The following ACTL6B variants were observed in gnomAD, a reference collection of about 807,000 sequenced individuals.
ACTL6B encodes actin-like protein 6B.
Under a neutral mutation model 63.3 loss-of-function variants are expected in ACTL6B, and 48 were observed. That is an observed-to-expected ratio of 0.76 (90% CI 0.60 to 0.96). The LOEUF is 0.96. ACTL6B is among the 50% of genes least tolerant of loss of function. The pLI, the probability that ACTL6B is intolerant of heterozygous loss-of-function variation, is 0.00. For synonymous variants in ACTL6B, 230 were observed against 223.8 expected, an observed-to-expected ratio of 1.03 and a Z score of -0.25; for missense variants, 350 against 572.2, an observed-to-expected ratio of 0.61 and a Z score of 3.96.
intron 4 of ACTL6B, among the ~76,000 whole-genome samples, chr7:100,653,215 A>G (rs1188060511): frequency 6.6e-6 from 1 of 152,058 alleles, no homozygotes; most frequent in African/African-American, 2.4e-5. Flanking sequence ...TGTTAGCTGA[A>G]GTAGAAGGAT....
chr7:100,650,201 C>T (rs908581498), intron 4 of ACTL6B, 66 bp from the exon 5 acceptor site: 24 of 1,370,008 alleles, frequency 1.8e-5, no homozygotes, highest in African/African-American at 4.3e-5. Context: ...TCCACGCACA[C>T]GCAACCCACT....
intron 4 of ACTL6B, among the ~76,000 whole-genome samples, 197 bp downstream of exon 4, chr7:100,654,822 A>G (rs754956729): frequency 2.0e-5 from 3 of 152,126 alleles, no homozygotes; most frequent in Middle Eastern, 6.8e-3. Flanking sequence ...AGCAGAGTGC[A>G]TAGAGCAAGA....
rs74890254 is a variant in ACTL6B at position 100,648,637 on chromosome 7, C to A, written c.588G>T (p.Gly196=). 3 of 1,612,558 alleles carry A rather than the reference C, an allele frequency of 1.9e-6. No individual in the cohort carries two copies. The highest frequency in any genetic ancestry group is 2.5e-6 in the Non-Finnish European group (3 of 1,179,172). The change falls in exon 7 of 14, where the codon GGG becomes GGT. Residue 196 remains glycine, a synonymous_variant. Coordinates refer to ENST00000160382, the MANE Select transcript of ACTL6B (RefSeq NM_016188.5). The surrounding 1 kb of genome is among the most constrained non-coding windows in gnomAD (Gnocchi z 4.4). ...QQGIVKSPLA[G]DFISMQCREL... ...CCCGGCACTGCATGGAGATGAAGTC[C>A]CCTGCCAGAGGGGACTTGACGATGC...
intron 4 of ACTL6B, among the ~76,000 whole-genome samples, chr7:100,653,575 A>T (rs916229063): frequency 2.6e-5 from 4 of 152,136 alleles, no homozygotes; most frequent in Admixed American, 2.0e-4. Context: ...ACTTGAGCCC[A>T]GGAGACCAAG....
chr7:100,656,021 G>A (rs1235398438), intron 1 of ACTL6B, 142 bp from the exon 2 acceptor site: 2 of 880,456 alleles, frequency 2.3e-6, no homozygotes, highest in Middle Eastern at 3.5e-4. Flanking sequence ...CCTGGAGTCC[G>A]AGGTCCTGGG....
intron 4 of ACTL6B, among the ~76,000 whole-genome samples, chr7:100,653,563 T>A (rs1444333541): frequency 1.3e-5 from 2 of 151,970 alleles, no homozygotes; most frequent in African/African-American, 4.8e-5. Flanking sequence ...AATGAGAGGA[T>A]CACTTGAGCC....
chr7:100,646,184 C>A lies in ACTL6B; in HGVS notation c.1200+65G>T. 7.5e-7 allele frequency: 1 copy of A among 1,334,906 alleles called. No homozygotes were observed. 82.7% of individuals were successfully genotyped at this position (1,334,906 alleles called of 1,614,324 possible). ...ATGAACGAAGAGGCAGTCAAAGTGGCGGGCACTGTCTGGGTCTCCCCTCTC... is the reference window on the plus strand; with the variant it reads ...ATGAACGAAGAGGCAGTCAAAGTGGAGGGCACTGTCTGGGTCTCCCCTCTC... On this transcript the variant is annotated intron_variant, in intron 13 of 13. Transcript: ENST00000160382. This position sits in a 1 kb window ranked among gnomAD's most constrained non-coding sequence, Gnocchi z 6.1.
rs763756493 is a variant in ACTL6B at position 100,655,821 on chromosome 7, A to T, written c.84T>A (p.Ala28=). The change falls in exon 2 of 14, where the codon GCT becomes GCA. Residue 28 remains alanine, a synonymous_variant. Transcript: ENST00000160382. This position sits in a 1 kb window ranked among gnomAD's most constrained non-coding sequence, Gnocchi z 4.4. Reference sequence around the variant, plus strand: ...GGCTCACCTTGGGACAGTCCTCCCCAGCGTACCCAGCGCGGACTGAGAAGG... The same window carrying T: ...GGCTCACCTTGGGACAGTCCTCCCCTGCGTACCCAGCGCGGACTGAGAAGG... ...IGSFSVRAGY[A]GEDCPKADFP... The T allele has an allele frequency of 2.5e-6, 4 of 1,574,024 alleles. No individual in the cohort carries two copies. Among genetic ancestry groups the T allele is most frequent in the Middle Eastern group, 1.7e-4 (1 of 6,022 alleles).
chr7:100,655,699 G>C lies in ACTL6B; in HGVS notation c.102+104C>G. ...CCCCTGGGTTTATTCCCATATTCCC[G>C]CTCAGCAGAGCTTCTGGGCGATCTG... On this transcript the variant is annotated intron_variant, in intron 2 of 13. Coordinates refer to ENST00000160382, the MANE Select transcript of ACTL6B (RefSeq NM_016188.5). The surrounding 1 kb of genome is among the most constrained non-coding windows in gnomAD (Gnocchi z 4.4). 2.7e-6 allele frequency: 4 copies of C among 1,506,262 alleles called. No homozygotes were observed. Among genetic ancestry groups the C allele is most frequent in the South Asian group, 2.5e-5 (2 of 78,864 alleles). The allele number at this position is 1,506,262 out of a possible 1,614,324, so 93.3% of individuals were successfully genotyped here. A position where few individuals can be genotyped will look rare whatever the true frequency, so the allele number is the denominator to read the frequency against.
At chr7:100,650,899 A>G (rs1425549473) in intron 4 of ACTL6B, among the ~76,000 whole-genome samples, 1 of 152,200 alleles carries the variant, frequency 6.6e-6, no homozygotes, top group Non-Finnish European at 1.5e-5. Flanking sequence ...AAATGGAGAG[A>G]AATAAATAAT....
chr7:100,645,051 C>T (rs1398459323), intron 13 of ACTL6B, among the ~76,000 whole-genome samples: 1 of 151,872 alleles, frequency 6.6e-6, no homozygotes. Flanking sequence ...GAGACTGTCT[C>T]GAAAACAAAA....
rs1303797052 is a variant in ACTL6B, at chr7:100,646,755, C to T, written c.1013G>A (p.Arg338His). 1 of 1,613,554 alleles carries T rather than the reference C, an allele frequency of 6.2e-7. No individual in the cohort carries two copies. Among genetic ancestry groups the T allele is most frequent in the Non-Finnish European group, 8.5e-7 (1 of 1,180,006 alleles). The change falls in exon 11 of 14, where the codon CGC becomes CAC. Residue 338 changes from arginine (R) to histidine (H), a missense_variant. By Grantham distance (29) the Arg-to-His change is conservative. Coordinates refer to ENST00000160382, the MANE Select transcript of ACTL6B (RefSeq NM_016188.5). The surrounding 1 kb of genome is among the most constrained non-coding windows in gnomAD (Gnocchi z 6.1). The stretch of plus-strand genomic sequence containing the variant: ...TCAGCTCCGGCCTGGCCTCACCGGG[C>T]GAATATCAATGTCACACATGCCGAT... ...TSIGMCDIDI[R>H]PGLYGSVIVT...
intron 5 of ACTL6B, among the ~76,000 whole-genome samples, chr7:100,649,798 C>T (rs545322378): frequency 1.3e-5 from 2 of 152,280 alleles, no homozygotes; most frequent in South Asian, 4.1e-4. Flanking sequence ...CCGGGCCCAG[C>T]TCACTGTCTG....
Position 100,648,896 on chromosome 7 carries a change from A to G in ACTL6B, c.468-73T>C. 4.1e-6 allele frequency: 6 copies of G among 1,448,990 alleles called. No individual in the cohort carries two copies. The highest frequency in any genetic ancestry group is 5.6e-6 in the Non-Finnish European group (6 of 1,070,536). The allele number at this position is 1,448,990 out of a possible 1,614,324, so 89.8% of individuals were successfully genotyped here. A position where few individuals can be genotyped will look rare whatever the true frequency, so the allele number is the denominator to read the frequency against. On this transcript the variant is annotated intron_variant, in intron 5 of 13. Transcript: ENST00000160382. The surrounding 1 kb of genome is among the most constrained non-coding windows in gnomAD (Gnocchi z 4.4). ...GCCTGGGCCCAGATCTTGTCTGGTCACTCTCTGCTCTACCGGGGTCCAGCC... is the reference window on the plus strand; with the variant it reads ...GCCTGGGCCCAGATCTTGTCTGGTCGCTCTCTGCTCTACCGGGGTCCAGCC...
rs571622608 is a variant in ACTL6B, at chr7:100,648,491, G to C, written c.669+65C>G. 5.8e-5 allele frequency: 80 copies of C among 1,368,974 alleles called. No homozygotes were observed. In the South Asian group the frequency reaches 1.1e-3, roughly 19 times the overall value. 84.8% of individuals were successfully genotyped at this position (1,368,974 alleles called of 1,614,324 possible). On this transcript the variant is annotated intron_variant, in intron 7 of 13. Coordinates refer to ENST00000160382, the MANE Select transcript of ACTL6B (RefSeq NM_016188.5). The surrounding 1 kb of genome is among the most constrained non-coding windows in gnomAD (Gnocchi z 4.4). ...TGCTCTGATATCTCATGTGTCAGAGGGTTGACGGCCATGGGGCGAGTGGCC... is the reference window on the plus strand; with the variant it reads ...TGCTCTGATATCTCATGTGTCAGAGCGTTGACGGCCATGGGGCGAGTGGCC...
chr7:100,652,438 A>G (rs1462876692), intron 4 of ACTL6B, among the ~76,000 whole-genome samples: 1 of 138,072 alleles, frequency 7.2e-6, no homozygotes, highest in Non-Finnish European at 1.6e-5. Context: ...AAAAAAAAAA[A>G]TACAAAAAAT....
In ACTL6B at chr7:100,655,087, C is replaced by T; in HGVS notation, c.301G>A (p.Asp101Asn). 6.2e-7 allele frequency: 1 copy of T among 1,613,966 alleles called. No individual in the cohort carries two copies. Among genetic ancestry groups the T allele is most frequent in the Non-Finnish European group, 8.5e-7 (1 of 1,179,994 alleles). ...TTGACGTGTTTGCTGTAGGTGTGAT[C>T]CAGGATGGCTCGGAAGCACTCCCAG... ...EDWECFRAIL[D>N]HTYSKHVKSE... The change falls in exon 4 of 14, where the codon GAT becomes AAT. Residue 101 changes from aspartate (D) to asparagine (N), a missense_variant. Transcript: ENST00000160382. This position sits in a 1 kb window ranked among gnomAD's most constrained non-coding sequence, Gnocchi z 4.4.
chr7:100,656,278 C>T, intron 1 of ACTL6B, 52 bp downstream of exon 1: 1 of 1,372,822 alleles, frequency 7.3e-7, no homozygotes, highest in Non-Finnish European at 9.4e-7. Context: ...GGATGGATGG[C>T]GCGGGTTTGG....
chr7:100,647,379 C>T lies in ACTL6B; in HGVS notation c.759+65G>A. The T allele has an allele frequency of 6.3e-7, 1 of 1,595,718 alleles. No individual in the cohort carries two copies. Among genetic ancestry groups the T allele is most frequent in the South Asian group, 1.1e-5 (1 of 90,520 alleles). ...CCCTGCTCCCCCTCCCATGCGGGGC[C>T]TCTGTCCCGCCCCCGATTCATGGCA... On this transcript the variant is annotated intron_variant, in intron 8 of 13. Coordinates refer to ENST00000160382, the MANE Select transcript of ACTL6B (RefSeq NM_016188.5). The surrounding 1 kb of genome is among the most constrained non-coding windows in gnomAD (Gnocchi z 4.4).
Sources: gnomAD v4.1 joint callset for allele counts (sites outside exome capture counted in the v4.1 genomes callset) on GRCh38, gnomAD v4.1.1 for gene constraint, Gnocchi (gnomAD v3.1) non-coding constraint, MANE v1.5 for transcripts, NCBI Gene and HGNC (gene_info 2026-07-23, HGNC 2026-07-21) for gene names.